CPNE4: variants seen among roughly 807,000 people sequenced by gnomAD.
CPNE4 encodes the protein copine 4.
CPNE4 carries 25 observed loss-of-function variants against 67.9 expected under a neutral mutation model. The observed-to-expected ratio is 0.37, with a 90% confidence interval of 0.27 to 0.51. The LOEUF is 0.51. Ranked by LOEUF, CPNE4 falls within the 20% of genes least tolerant of loss-of-function variation. The pLI is 0.93. For missense variants in CPNE4, 464 were observed against 690.8 expected, an observed-to-expected ratio of 0.67 and a Z score of 3.68; for synonymous variants, 242 against 244.9, an observed-to-expected ratio of 0.99 and a Z score of 0.11.
At chr3:132,003,094 T>C (rs1223506003) in intron 1 of CPNE4, among the ~76,000 whole-genome samples, 1 of 152,154 alleles carries the variant, frequency 6.6e-6, no homozygotes, top group African/African-American at 2.4e-5. Flanking sequence ...CTGTGAGTTC[T>C]GAATGAAACA....
intron 2 of CPNE4, among the ~76,000 whole-genome samples, chr3:131,732,245 T>C (rs928820611): frequency 1.3e-5 from 2 of 152,202 alleles, no homozygotes; most frequent in African/African-American, 4.8e-5. Flanking sequence ...AAGGAATGAA[T>C]GAAAGAAATA....
intron 2 of CPNE4, among the ~76,000 whole-genome samples, chr3:131,851,204 T>C (rs1466858898): frequency 6.6e-6 from 1 of 152,022 alleles, no homozygotes; most frequent in Admixed American, 6.6e-5. Context: ...GGAAAGAAAG[T>C]GAGTGATTTA....
chr3:131,754,405 G>A (rs2082705613), intron 2 of CPNE4, among the ~76,000 whole-genome samples: 1 of 152,124 alleles, frequency 6.6e-6, no homozygotes, highest in Admixed American at 6.6e-5. Flanking sequence ...TTTAAAAGGT[G>A]ATGACAAGAT....
chr3:131,669,838 C>T, intron 6 of CPNE4, 74 bp from the exon 7 acceptor site: 1 of 1,133,706 alleles, frequency 8.8e-7, no homozygotes, highest in South Asian at 1.3e-5. Flanking sequence ...ATTAAAACTG[C>T]TTGAGAAACC....
chr3:131,568,076 A>C (rs908640376), intron 10 of CPNE4, among the ~76,000 whole-genome samples: 1 of 152,014 alleles, frequency 6.6e-6, no homozygotes, highest in Non-Finnish European at 1.5e-5. Context: ...TGAAAAAGGA[A>C]ATAGGCTTAT....
intron 2 of CPNE4, among the ~76,000 whole-genome samples, chr3:131,762,254 G>A (rs1242130673): frequency 3.9e-5 from 6 of 151,990 alleles, no homozygotes; most frequent in African/African-American, 1.4e-4. Context: ...CAGGAAGACA[G>A]TGTCTAAATC....
At chr3:131,956,438 G>A (rs369844712) in intron 1 of CPNE4, among the ~76,000 whole-genome samples, 19 of 152,186 alleles carry the variant, frequency 1.2e-4, no homozygotes, top group East Asian at 3.9e-4. Flanking sequence ...TAACTCCATC[G>A]TCAATAAAAT....
At position 131,989,460 on chromosome 3, in the gene CPNE4, C is replaced by A. The variant is rs1156562222; in HGVS notation, c.-2+45107G>T. Among the ~76,000 whole-genome samples the A allele has an allele frequency of 3.5e-5, 3 of 85,838 alleles. 1 individual carries two copies. In the East Asian group the frequency reaches 1.5e-3, roughly 43 times the overall value. The allele number at this position is 85,838 out of a possible 152,430, so 56.3% of individuals were successfully genotyped here. A position where few individuals can be genotyped will look rare whatever the true frequency, so the allele number is the denominator to read the frequency against. Reference sequence around the variant, plus strand: ...CTACAAATACATGTATTAAAAATTTCTTCTTGAGCAGTAACAATGGCCAAA... The same window carrying A: ...CTACAAATACATGTATTAAAAATTTATTCTTGAGCAGTAACAATGGCCAAA... On this transcript the variant is annotated intron_variant, in intron 1 of 15. Transcript: ENST00000429747.
chr3:132,016,099 A>C (rs903913293), intron 1 of CPNE4, among the ~76,000 whole-genome samples: 3 of 152,230 alleles, frequency 2.0e-5, no homozygotes, highest in Non-Finnish European at 4.4e-5. Flanking sequence ...AAGACAAGAT[A>C]ACTTCTAAGA....
At chr3:131,944,130 T>C (rs1352768669) in intron 1 of CPNE4, among the ~76,000 whole-genome samples, 1 of 152,116 alleles carries the variant, frequency 6.6e-6, no homozygotes, top group Non-Finnish European at 1.5e-5. Context: ...TTAATTGAAC[T>C]AAATCCCATG....
chr3:131,941,637 G>A (rs2071391550), intron 1 of CPNE4, among the ~76,000 whole-genome samples: 1 of 152,050 alleles, frequency 6.6e-6, no homozygotes, highest in African/African-American at 2.4e-5. Flanking sequence ...ATATTATAAA[G>A]TGATTCAATA....
chr3:131,848,941 T>G (rs2086112373), intron 2 of CPNE4, among the ~76,000 whole-genome samples: 1 of 99,568 alleles, frequency 1.0e-5, no homozygotes, highest in Non-Finnish European at 1.8e-5. Flanking sequence ...ACTGGTGGAA[T>G]GACAGTAGTG....
At chr3:131,716,536 C>T (rs1334687767) in intron 3 of CPNE4, among the ~76,000 whole-genome samples, 1 of 152,092 alleles carries the variant, frequency 6.6e-6, no homozygotes, top group Non-Finnish European at 1.5e-5. Context: ...ATTATACTCG[C>T]CCAGGACGTA....
intron 2 of CPNE4, among the ~76,000 whole-genome samples, chr3:131,777,849 C>T (rs1379634632): frequency 2.0e-5 from 3 of 152,062 alleles, no homozygotes; most frequent in African/African-American, 7.2e-5. Context: ...ATGGAGATCT[C>T]TTGAGCAGGC....
At chr3:131,641,455 T>C (rs1028902882) in intron 7 of CPNE4, among the ~76,000 whole-genome samples, 5 of 151,858 alleles carry the variant, frequency 3.3e-5, no homozygotes, top group African/African-American at 1.2e-4. Flanking sequence ...ATCAAAACAA[T>C]GCAATGCAAT....
At chr3:131,665,791 A>G (rs1385677947) in intron 7 of CPNE4, among the ~76,000 whole-genome samples, 1 of 152,220 alleles carries the variant, frequency 6.6e-6, no homozygotes, top group South Asian at 2.1e-4. Context: ...ACCTTCATTT[A>G]TGCAAACAAT....
intron 5 of CPNE4, among the ~76,000 whole-genome samples, chr3:131,694,487 A>T (rs2107692873): frequency 6.6e-6 from 1 of 152,252 alleles, no homozygotes; most frequent in Middle Eastern, 3.4e-3. Context: ...TGATTTTGCC[A>T]CTGCCCTAAC....
intron 2 of CPNE4, among the ~76,000 whole-genome samples, chr3:131,827,545 C>G (rs575249381): frequency 6.6e-6 from 1 of 152,100 alleles, no homozygotes; most frequent in South Asian, 2.1e-4. Flanking sequence ...ACACAATAAC[C>G]CATAATGCAA....
At chr3:131,542,434 G>A (rs920429790) in intron 15 of CPNE4, 123 bp downstream of exon 15, 11 of 753,926 alleles carry the variant, frequency 1.5e-5, no homozygotes, top group Non-Finnish European at 2.6e-5. Context: ...AGGGTATGTA[G>A]AGCATAGCTG....
Sources: allele counts gnomAD v4.1 joint callset (sites outside exome capture counted in the v4.1 genomes callset), GRCh38; gene constraint gnomAD v4.1.1; transcripts MANE v1.5; gene names NCBI Gene and HGNC (gene_info 2026-07-23, HGNC 2026-07-21).